The following PRKN variants were observed in gnomAD, a reference collection of about 807,000 sequenced individuals.
PRKN encodes E3 ubiquitin-protein ligase parkin.
PRKN carries 56 observed loss-of-function variants against 59.5 expected under a neutral mutation model. That is an observed-to-expected ratio of 0.94 (90% CI 0.76 to 1.18). The LOEUF (loss-of-function observed/expected upper bound fraction) is 1.18, where lower values mean the gene tolerates loss of function less well. Among genes scored for constraint, PRKN ranks in the 50% most tolerant of loss-of-function variants. The pLI, the probability that PRKN is intolerant of heterozygous loss-of-function variation, is 0.00. For missense variants in PRKN, 657 were observed against 596.4 expected, an observed-to-expected ratio of 1.10 and a Z score of -1.06; for synonymous variants, 250 against 222.1, an observed-to-expected ratio of 1.13 and a Z score of -1.12.
chr6:161,524,862 C>A (rs1778961082), intron 9 of PRKN, among the ~76,000 whole-genome samples: 1 of 152,096 alleles, frequency 6.6e-6, no homozygotes, highest in South Asian at 2.1e-4. Flanking sequence ...GCTTTCCTTC[C>A]CAATGAGTAG....
At chr6:162,674,155 G>A (rs2128230920) in intron 1 of PRKN, among the ~76,000 whole-genome samples, 1 of 152,218 alleles carries the variant, frequency 6.6e-6, no homozygotes, top group East Asian at 1.9e-4. Context: ...ATACCATTCA[G>A]TTCTTCCAAG....
chr6:161,742,577 C>T (rs956788085), intron 7 of PRKN, among the ~76,000 whole-genome samples: 29 of 152,212 alleles, frequency 1.9e-4, no homozygotes, highest in African/African-American at 6.8e-4. Flanking sequence ...AAAGCAAGAA[C>T]TGGTTGCTCT....
intron 9 of PRKN, among the ~76,000 whole-genome samples, chr6:161,536,135 T>G (rs1042584196): frequency 6.6e-6 from 1 of 152,010 alleles, no homozygotes; most frequent in African/African-American, 2.4e-5. Flanking sequence ...TTAAGAGAAA[T>G]AAATGCCTGT....
At chr6:162,219,369 T>A (rs1298687778) in intron 3 of PRKN, among the ~76,000 whole-genome samples, 1 of 152,194 alleles carries the variant, frequency 6.6e-6, no homozygotes, top group Non-Finnish European at 1.5e-5. Flanking sequence ...ACAAGCCACC[T>A]GCACTGTAGC....
At chr6:161,867,555 A>C (rs1794159608) in intron 6 of PRKN, among the ~76,000 whole-genome samples, 1 of 152,120 alleles carries the variant, frequency 6.6e-6, no homozygotes, top group South Asian at 2.1e-4. Context: ...AAACATGAAA[A>C]GATGATGATG....
At chr6:161,630,401 C>T (rs1040460346) in intron 7 of PRKN, among the ~76,000 whole-genome samples, 3 of 151,962 alleles carry the variant, frequency 2.0e-5, no homozygotes, top group African/African-American at 7.3e-5. Context: ...GGTATGTCCC[C>T]AATAAATGGA....
chr6:161,430,755 C>T (rs2115051315), intron 9 of PRKN, among the ~76,000 whole-genome samples: 1 of 134,162 alleles, frequency 7.5e-6, no homozygotes, highest in African/African-American at 2.9e-5. Context: ...GCGGAGCTTG[C>T]AGTGAGCCAA....
rs148627170 is a variant in PRKN, at chr6:161,544,363, T to C, written c.1083+4491A>G. On this transcript the variant is annotated intron_variant, in intron 9 of 11. Transcript: ENST00000366898. The surrounding 1 kb of genome is among the most constrained non-coding windows in gnomAD (Gnocchi z 5.5). ...TATTGTATAAGTATATAAAGGTGCTTACGTATTTTTCAAAGAGCTCTTTGT... is the reference window on the plus strand; with the variant it reads ...TATTGTATAAGTATATAAAGGTGCTCACGTATTTTTCAAAGAGCTCTTTGT... Among the ~76,000 whole-genome samples, 941 of 152,310 alleles carry C rather than the reference T, an allele frequency of 6.2e-3. 13 individuals are homozygous for C. The highest frequency in any genetic ancestry group is 0.021 in the African/African-American group (877 of 41,566).
chr6:161,938,392 CA>C (rs1583373999), intron 6 of PRKN, among the ~76,000 whole-genome samples: 1 of 152,070 alleles, frequency 6.6e-6, no homozygotes, highest in Non-Finnish European at 1.5e-5. Context: ...TAAATAAGAG[CA>C]ATTTTAAAAC....
chr6:161,524,643 C>G (rs1778954055), intron 9 of PRKN, among the ~76,000 whole-genome samples: 1 of 152,114 alleles, frequency 6.6e-6, no homozygotes, highest in South Asian at 2.1e-4. Flanking sequence ...AGGGATTATG[C>G]TTTTCGGAGC....
intron 5 of PRKN, among the ~76,000 whole-genome samples, chr6:162,021,461 A>ATATATATATATATAT (rs59250759): frequency 4.9e-4 from 12 of 24,650 alleles, no homozygotes; most frequent in African/African-American, 1.1e-3. Flanking sequence ...ATATATATAT[A>ATATATATATATATAT]TTTTTTTTTT....
chr6:162,109,017 A>G (rs1478538641), intron 4 of PRKN, among the ~76,000 whole-genome samples: 1 of 152,242 alleles, frequency 6.6e-6, no homozygotes, highest in African/African-American at 2.4e-5. Flanking sequence ...GCTCAGAGGC[A>G]GCATTGCATC....
rs1788821340 is a variant in PRKN at position 161,754,361 on chromosome 6, C to A, written c.871+31411G>T. Among the ~76,000 whole-genome samples the A allele has an allele frequency of 2.0e-5, 3 of 152,028 alleles. No homozygotes were observed. The South Asian group carries it at 6.3e-4, about 32-fold the overall frequency. ...GAGGGGCAAGCAGAGGAAGGGGTTT[C>A]CTTGAGAGACGACCTGGTTCCGGAG... On this transcript the variant is annotated intron_variant, in intron 7 of 11. Coordinates refer to ENST00000366898, the MANE Select transcript of PRKN (RefSeq NM_004562.3).
intron 3 of PRKN, among the ~76,000 whole-genome samples, chr6:162,237,802 A>G (rs1778804779): frequency 6.6e-6 from 1 of 152,000 alleles, no homozygotes; most frequent in South Asian, 2.1e-4. Context: ...TAAAAAAAAA[A>G]AAGTGAGGTA....
chr6:162,121,698 T>C (rs1429911286), intron 4 of PRKN, among the ~76,000 whole-genome samples: 1 of 152,198 alleles, frequency 6.6e-6, no homozygotes, highest in Non-Finnish European at 1.5e-5. Context: ...CACCTCATTC[T>C]ATGAACATAA....
At chr6:162,465,262 C>T (rs945999323) in intron 1 of PRKN, among the ~76,000 whole-genome samples, 4 of 152,198 alleles carry the variant, frequency 2.6e-5, no homozygotes, top group Non-Finnish European at 4.4e-5. Flanking sequence ...TTATATTACA[C>T]CACTATATTT....
chr6:161,925,916 T>C lies in PRKN; in HGVS notation c.734+47386A>G, dbSNP rs558939122. On this transcript the variant is annotated intron_variant, in intron 6 of 11. Transcript: ENST00000366898. ...GCCAGACACTGTGCTGAACTCTTTA[T>C]ATGTCTCGTCTCCTCCCCACGAGAC... Among the ~76,000 whole-genome samples, 3 of 152,330 alleles carry C rather than the reference T, an allele frequency of 2.0e-5. No individual in the cohort carries two copies. In the South Asian group the frequency reaches 6.2e-4, roughly 32 times the overall value.
Position 161,874,164 on chromosome 6 carries a change from A to ATATGTAAAATATAATATATATT in PRKN, c.735-88257_735-88256insAATATATATTATATTTTACATA, listed in dbSNP as rs1794504473. On this transcript the variant is annotated intron_variant, in intron 6 of 11. Coordinates refer to ENST00000366898, the MANE Select transcript of PRKN (RefSeq NM_004562.3). Reference sequence around the variant, plus strand: ...GTAAAATATAATATATATTATATATAATATATAATATATATTATATATAAT... The same window carrying ATATGTAAAATATAATATATATT: ...GTAAAATATAATATATATTATATATATATGTAAAATATAATATATATTATATATAATATATATTATATATAAT... Among the ~76,000 whole-genome samples, 89 of 21,050 alleles carry ATATGTAAAATATAATATATATT rather than the reference A, an allele frequency of 4.2e-3. 6 individuals carry two copies. Among genetic ancestry groups the ATATGTAAAATATAATATATATT allele is most frequent in the Non-Finnish European group, 6.2e-3 (79 of 12,712 alleles). 13.8% of individuals were successfully genotyped at this position (21,050 alleles called of 152,430 possible).
chr6:162,053,188 G>A (rs1490591332), intron 5 of PRKN, among the ~76,000 whole-genome samples: 5 of 152,086 alleles, frequency 3.3e-5, no homozygotes, highest in South Asian at 4.1e-4. Flanking sequence ...TGCCATCCTG[G>A]TATCCTTCCG....
Sources: gnomAD v4.1 joint callset for allele counts (sites outside exome capture counted in the v4.1 genomes callset) on GRCh38, gnomAD v4.1.1 for gene constraint, Gnocchi (gnomAD v3.1) non-coding constraint, MANE v1.5 for transcripts, NCBI Gene and HGNC (gene_info 2026-07-23, HGNC 2026-07-21) for gene names.